COL25A1: variants seen among roughly 807,000 people sequenced by gnomAD.
COL25A1 encodes the protein collagen type XXV alpha 1 chain, also known as collagen alpha-1(XXV) chain.
In COL25A1, 103 loss-of-function variants were observed where a neutral mutation model predicts 128.4. That is an observed-to-expected ratio of 0.80 (90% confidence interval 0.68 to 0.94). The LOEUF is 0.94. Ranked by LOEUF, COL25A1 falls within the 40% of genes least tolerant of loss-of-function variation. COL25A1 has a pLI of 0.00. For synonymous variants in COL25A1, 279 were observed against 277.2 expected (o/e 1.01, Z -0.06); for missense variants, 745 against 840.0 (o/e 0.89, Z 1.40).
At chr4:108,826,481 T>A (rs1422082297) in intron 33 of COL25A1, among the ~76,000 whole-genome samples, 1 of 152,088 alleles carries the variant, frequency 6.6e-6, no homozygotes, top group Admixed American at 6.6e-5. Flanking sequence ...GAGGTTGCAG[T>A]GAGCCAAGAT....
At chr4:109,115,650 CAGG>C (rs1335426887) in intron 3 of COL25A1, among the ~76,000 whole-genome samples, 1 of 152,166 alleles carries the variant, frequency 6.6e-6, no homozygotes, top group East Asian at 1.9e-4. Context: ...GATGTACCTT[CAGG>C]AGAAGACTAA....
intron 3 of COL25A1, among the ~76,000 whole-genome samples, chr4:109,057,425 T>A (rs528111190): frequency 9.0e-6 from 1 of 111,200 alleles, no homozygotes; most frequent in South Asian, 3.6e-4. Flanking sequence ...TAGCTAATTT[T>A]TTTTTTTTTT....
chr4:109,149,409 G>T (rs1456910056), intron 3 of COL25A1, among the ~76,000 whole-genome samples: 1 of 151,876 alleles, frequency 6.6e-6, no homozygotes, highest in Non-Finnish European at 1.5e-5. Flanking sequence ...TTAAGATGGG[G>T]GTCTTACTGT....
At chr4:109,118,938 A>G (rs902287943) in intron 3 of COL25A1, among the ~76,000 whole-genome samples, 1 of 152,032 alleles carries the variant, frequency 6.6e-6, no homozygotes, top group African/African-American at 2.4e-5. Context: ...TTCACATGAA[A>G]CATTCACCAA....
chr4:109,077,965 G>C (rs965958155), intron 3 of COL25A1, among the ~76,000 whole-genome samples: 4 of 152,302 alleles, frequency 2.6e-5, no homozygotes, highest in Middle Eastern at 3.4e-3. Context: ...TAATTTTGGG[G>C]ATGGAGAGAG....
intron 3 of COL25A1, among the ~76,000 whole-genome samples, chr4:109,224,849 A>C (rs1045433414): frequency 1.3e-4 from 20 of 152,212 alleles, no homozygotes; most frequent in Non-Finnish European, 2.6e-4. Context: ...CTGAGGCAGG[A>C]GAATCGCTTG....
intron 24 of COL25A1, among the ~76,000 whole-genome samples, chr4:108,858,861 G>T (rs1185784765): frequency 6.6e-6 from 1 of 152,052 alleles, no homozygotes; most frequent in African/African-American, 2.4e-5. Flanking sequence ...CAAAAAAAAA[G>T]TTTCAAAGGA....
chr4:109,141,166 C>T (rs1264062602), intron 3 of COL25A1, among the ~76,000 whole-genome samples: 4 of 152,066 alleles, frequency 2.6e-5, no homozygotes, highest in East Asian at 1.9e-4. Context: ...TTATTGAAGG[C>T]GTTTTCTGCA....
rs2125708712 is a variant in COL25A1 at position 108,820,113 on chromosome 4, A to C, written c.1846-784T>G. 1.3e-5 allele frequency among the ~76,000 whole-genome samples: 2 copies of C among 152,310 alleles called. 1 individual carries two copies. The highest frequency in any genetic ancestry group is 4.8e-5 in the African/African-American group (2 of 41,574). On this transcript the variant is annotated intron_variant, in intron 35 of 37. Transcript: ENST00000399132. ...GATTTTATTTAAGATACTCAACAAG[A>C]CAGAAGAAGGAGGCTTAAAAGCTGA...
intron 14 of COL25A1, among the ~76,000 whole-genome samples, chr4:108,899,926 G>A (rs1222708571): frequency 6.6e-6 from 1 of 152,112 alleles, no homozygotes; most frequent in Admixed American, 6.6e-5. Flanking sequence ...GTTGGAGCAG[G>A]AGAGTAGGAG....
intron 18 of COL25A1, among the ~76,000 whole-genome samples, chr4:108,886,492 G>GTGTGTGTGTTTTT (rs58157157): frequency 9.2e-6 from 1 of 109,246 alleles, no homozygotes; most frequent in Non-Finnish European, 1.9e-5. Context: ...GTGTGTGTGT[G>GTGTGTGTGTTTTT]TTTAGCTCAT....
chr4:108,855,158 C>T (rs796099160), intron 24 of COL25A1, among the ~76,000 whole-genome samples: 13 of 149,898 alleles, frequency 8.7e-5, no homozygotes, highest in African/African-American at 2.7e-4. Context: ...TTCCACTGTT[C>T]CACTCCAATT....
chr4:108,862,350 G>A (rs1257603444), intron 22 of COL25A1, 151 bp downstream of exon 22: 3 of 669,632 alleles, frequency 4.5e-6, no homozygotes, highest in Admixed American at 4.5e-5. Context: ...TCATCATAGG[G>A]ATACTGCAAT....
In COL25A1 at chr4:108,983,978, C is replaced by T. The variant is rs190146024; in HGVS notation, c.439-9419G>A. On this transcript the variant is annotated intron_variant, in intron 6 of 37. Transcript: ENST00000399132. The stretch of plus-strand genomic sequence containing the variant: ...GGGCAGCCTGCTTTTATTCTCTTAT[C>T]TGGCCCCACCCACATCCTGCTGATT... Among the ~76,000 whole-genome samples, 71 of 152,276 alleles carry T rather than the reference C, an allele frequency of 4.7e-4. 1 individual carries two copies. The East Asian group carries it at 0.013, about 29-fold the overall frequency.
At chr4:109,147,669 T>C (rs1001149287) in intron 3 of COL25A1, among the ~76,000 whole-genome samples, 3 of 151,846 alleles carry the variant, frequency 2.0e-5, no homozygotes, top group Admixed American at 6.6e-5. Context: ...ATACAAAAAT[T>C]AGCTGGATGT....
chr4:109,086,931 C>T lies in COL25A1; in HGVS notation c.368-36752G>A, dbSNP rs116826490. ...TTGATAGGACTGCTGACATGGAGTG[C>T]TGTCTCTTTCCAAAGTGGCCCAGTG... On this transcript the variant is annotated intron_variant, in intron 3 of 37. Coordinates refer to ENST00000399132, the MANE Select transcript of COL25A1 (RefSeq NM_198721.4). 2.7e-3 allele frequency among the ~76,000 whole-genome samples: 405 copies of T among 152,270 alleles called. 1 individual carries two copies. Among genetic ancestry groups the T allele is most frequent in the Non-Finnish European group, 4.1e-3 (278 of 68,024 alleles).
intron 3 of COL25A1, among the ~76,000 whole-genome samples, chr4:109,060,709 C>A (rs989789920): frequency 1.3e-5 from 2 of 149,008 alleles, no homozygotes; most frequent in African/African-American, 5.1e-5. Context: ...AACAAAAAAA[C>A]ATTACCTTCT....
chr4:109,065,351 C>T (rs1000126773), intron 3 of COL25A1, among the ~76,000 whole-genome samples: 1 of 152,150 alleles, frequency 6.6e-6, no homozygotes, highest in Non-Finnish European at 1.5e-5. Flanking sequence ...AATCAATAGC[C>T]AGTCCTTGTC....
intron 3 of COL25A1, among the ~76,000 whole-genome samples, chr4:109,106,103 G>A (rs759625927): frequency 6.6e-6 from 1 of 152,136 alleles, no homozygotes; most frequent in East Asian, 1.9e-4. Context: ...ATAGGAAAAA[G>A]AATATTGTTA....
Sources: gnomAD v4.1 joint callset for allele counts (sites outside exome capture counted in the v4.1 genomes callset) on GRCh38, gnomAD v4.1.1 for gene constraint, MANE v1.5 for transcripts, NCBI Gene and HGNC (gene_info 2026-07-23, HGNC 2026-07-21) for gene names.